CAST: variants seen among roughly 807,000 people sequenced by gnomAD.
CAST encodes the protein calpastatin, also known as MIR583 host.
In CAST, 76 loss-of-function variants were observed where a neutral mutation model predicts 119.6. The observed-to-expected ratio is 0.64, with a 90% confidence interval of 0.53 to 0.77. The LOEUF (loss-of-function observed/expected upper bound fraction) is 0.77, where lower values mean the gene tolerates loss of function less well. Ranked by LOEUF, CAST falls within the 30% of genes least tolerant of loss-of-function variation. CAST has a pLI of 0.00. For missense variants in CAST, 953 were observed against 946.5 expected (o/e 1.01, Z -0.09); for synonymous variants, 319 against 331.6 (o/e 0.96, Z 0.41).
At chr5:96,361,951 A>T in the CAST span, among the ~76,000 whole-genome samples, 1 of 151,428 alleles carries the variant, frequency 6.6e-6, no homozygotes, top group Admixed American at 6.6e-5. Context: ...TGTCATTTAC[A>T]TTAGGTATAT....
the CAST span, among the ~76,000 whole-genome samples, chr5:96,310,838 G>A: frequency 6.7e-6 from 1 of 149,018 alleles, no homozygotes; most frequent in Non-Finnish European, 1.5e-5. Context: ...TCTAGCCAAA[G>A]GTTTGTAAAT....
the CAST span, among the ~76,000 whole-genome samples, chr5:96,023,582 T>C: frequency 3.9e-5 from 6 of 152,236 alleles, no homozygotes; most frequent in Non-Finnish European, 8.8e-5. Context: ...TTATGGCTAC[T>C]TCATGCTAAA....
chr5:95,976,759 A>G, the CAST span, among the ~76,000 whole-genome samples: 2 of 152,192 alleles, frequency 1.3e-5, no homozygotes, highest in East Asian at 3.8e-4. Flanking sequence ...AGATTATATT[A>G]CAGTGAGATT....
the CAST span, among the ~76,000 whole-genome samples, chr5:96,172,163 G>A: frequency 5.9e-5 from 9 of 152,248 alleles, no homozygotes; most frequent in Non-Finnish European, 8.8e-5. Context: ...CTGGCTGGCA[G>A]GGGCGGGGAT....
the CAST span, among the ~76,000 whole-genome samples, chr5:96,014,827 G>A: frequency 4.5e-4 from 68 of 152,250 alleles, 1 homozygote; most frequent in South Asian, 0.013. Flanking sequence ...ATTTTAATTT[G>A]GAAGAGGTGT....
intron 6 of CAST, chr5:96,728,472 A>G (rs985198576): frequency 1.5e-5 from 2 of 137,250 alleles, no homozygotes; most frequent in Non-Finnish European, 3.2e-5. Flanking sequence ...CTATGAAAGG[A>G]GTTTTTTTTT....
the CAST span, among the ~76,000 whole-genome samples, chr5:96,191,714 C>T: frequency 1.2e-4 from 19 of 152,226 alleles, no homozygotes; most frequent in Non-Finnish European, 1.5e-4. Flanking sequence ...GGACTGCAGG[C>T]GCACGCCACC....
At chr5:96,359,288 A>T in the CAST span, among the ~76,000 whole-genome samples, 2 of 152,212 alleles carry the variant, frequency 1.3e-5, no homozygotes, top group East Asian at 3.9e-4. Flanking sequence ...CTCTTTTTCC[A>T]ATTTGCCAGT....
the CAST span, among the ~76,000 whole-genome samples, chr5:96,279,408 A>G: frequency 2.6e-5 from 4 of 152,120 alleles, no homozygotes; most frequent in Non-Finnish European, 5.9e-5. Flanking sequence ...ACTGCAAGGA[A>G]TCCCCCTGCC....
intron 3 of CAST, among the ~76,000 whole-genome samples, chr5:96,705,048 G>A (rs1012209213): frequency 1.3e-5 from 2 of 152,118 alleles, no homozygotes; most frequent in African/African-American, 2.4e-5. Context: ...GGCTAGGGAC[G>A]GTGGCTCATG....
At chr5:96,275,642 T>C in the CAST span, among the ~76,000 whole-genome samples, 12 of 152,112 alleles carry the variant, frequency 7.9e-5, no homozygotes, top group Non-Finnish European at 1.3e-4. Flanking sequence ...GCTCAAGATA[T>C]AGAGTTTATT....
At chr5:96,110,501 A>G in the CAST span, among the ~76,000 whole-genome samples, 1 of 152,290 alleles carries the variant, frequency 6.6e-6, no homozygotes, top group African/African-American at 2.4e-5. Flanking sequence ...AGGGGTTGTC[A>G]AGGGTCATAG....
At chr5:96,388,312 A>T in the CAST span, among the ~76,000 whole-genome samples, 2 of 152,232 alleles carry the variant, frequency 1.3e-5, no homozygotes, top group Non-Finnish European at 2.9e-5. Context: ...CTCTCTCAGG[A>T]TGGCTCTGCT....
the CAST span, among the ~76,000 whole-genome samples, chr5:96,066,756 C>G: frequency 6.6e-6 from 1 of 151,966 alleles, no homozygotes; most frequent in Admixed American, 6.6e-5. Flanking sequence ...AACTCCTGGG[C>G]TCAAGCAATT....
intron 1 of CAST, among the ~76,000 whole-genome samples, chr5:96,556,169 C>T (rs1167544653): frequency 1.3e-5 from 2 of 152,166 alleles, no homozygotes; most frequent in Non-Finnish European, 2.9e-5. Flanking sequence ...AGAAGGAAAA[C>T]TAACAAACAG....
At chr5:96,193,288 C>G in the CAST span, among the ~76,000 whole-genome samples, 1 of 151,924 alleles carries the variant, frequency 6.6e-6, no homozygotes, top group Non-Finnish European at 1.5e-5. Flanking sequence ...TGTATATTTA[C>G]TATGATATCA....
intron 1 of CAST, among the ~76,000 whole-genome samples, chr5:96,653,990 G>T (rs1241253582): frequency 7.8e-5 from 11 of 140,412 alleles, no homozygotes; most frequent in African/African-American, 1.3e-4. Context: ...CTCTTCCCTT[G>T]TATCTCTCCT....
chr5:96,144,862 G>T, the CAST span, among the ~76,000 whole-genome samples: 2 of 151,912 alleles, frequency 1.3e-5, no homozygotes, highest in Non-Finnish European at 2.9e-5. Flanking sequence ...TGTATTTTTG[G>T]TAGAGACGAG....
the CAST span, among the ~76,000 whole-genome samples, chr5:96,196,735 G>A: frequency 5.3e-5 from 8 of 152,242 alleles, no homozygotes; most frequent in East Asian, 1.5e-3. Flanking sequence ...GATAACGCAG[G>A]GTCCTGCAGG....
Sources: gnomAD v4.1 joint callset for allele counts (sites outside exome capture counted in the v4.1 genomes callset) on GRCh38, gnomAD v4.1.1 for gene constraint, MANE v1.5 for transcripts, NCBI Gene and HGNC (gene_info 2026-07-23, HGNC 2026-07-21) for gene names.